The following ZNRF3 variants were observed in gnomAD, a reference collection of about 807,000 sequenced individuals.
ZNRF3 encodes the protein zinc and ring finger 3.
A neutral mutation model predicts 72.5 loss-of-function variants in ZNRF3; 23 were observed. That is an observed-to-expected ratio of 0.32 (90% CI 0.23 to 0.45). The LOEUF is 0.45. ZNRF3 is among the 20% of genes least tolerant of loss of function. ZNRF3 has a pLI of 1.00. For synonymous variants in ZNRF3, 610 were observed against 545.3 expected, an observed-to-expected ratio of 1.12 and a Z score of -1.65; for missense variants, 1,169 against 1,272.1, an observed-to-expected ratio of 0.92 and a Z score of 1.23.
At chr22:28,940,246 A>G (rs1440571685) in intron 1 of ZNRF3, among the ~76,000 whole-genome samples, 3 of 152,250 alleles carry the variant, frequency 2.0e-5, no homozygotes, top group Non-Finnish European at 4.4e-5. Context: ...AGACAAGGCT[A>G]AATGAATTAA....
intron 1 of ZNRF3, among the ~76,000 whole-genome samples, chr22:28,949,903 T>C (rs2035127051): frequency 6.6e-6 from 1 of 152,214 alleles, no homozygotes; most frequent in Non-Finnish European, 1.5e-5. Context: ...AGGCAACCAC[T>C]GTGCTTTGGT....
chr22:28,903,043 G>A lies in ZNRF3; in HGVS notation c.300+18977G>A, dbSNP rs966555741. Among the ~76,000 whole-genome samples the A allele has an allele frequency of 2.8e-4, 42 of 152,072 alleles. 1 individual carries two copies. Among genetic ancestry groups the A allele is most frequent in the Admixed American group, 1.3e-4 (2 of 15,278 alleles). The stretch of plus-strand genomic sequence containing the variant: ...GCACCTATGTCCCTTCTCCCCTAGT[G>A]TGGGGGTCTGTGGGCTCCCCAGGGT... On this transcript the variant is annotated intron_variant, in intron 1 of 8. Coordinates refer to ENST00000544604, the MANE Select transcript of ZNRF3 (RefSeq NM_001206998.2).
chr22:29,008,045 G>A (rs1371165083), intron 2 of ZNRF3, among the ~76,000 whole-genome samples: 1 of 152,000 alleles, frequency 6.6e-6, no homozygotes, highest in Non-Finnish European at 1.5e-5. Context: ...CATGAGCCAC[G>A]GCGCCCGGCT....
In ZNRF3 at chr22:28,909,460, A is replaced by G. The variant is rs144589905; in HGVS notation, c.300+25394A>G. Among the ~76,000 whole-genome samples, 1,006 of 152,202 alleles carry G rather than the reference A, an allele frequency of 6.6e-3. 10 individuals carry two copies. The highest frequency in any genetic ancestry group is 0.021 in the African/African-American group (892 of 41,524). On this transcript the variant is annotated intron_variant, in intron 1 of 8. Transcript: ENST00000544604. ...GTATTTTTTTTTTTCTCAGAAAATAATCAAACCAAAACTTTCCCTTGCTGA... is the reference window on the plus strand; with the variant it reads ...GTATTTTTTTTTTTCTCAGAAAATAGTCAAACCAAAACTTTCCCTTGCTGA...
chr22:29,042,831 G>A (rs569440631), intron 3 of ZNRF3, among the ~76,000 whole-genome samples: 2 of 151,162 alleles, frequency 1.3e-5, no homozygotes, highest in Non-Finnish European at 2.9e-5. Context: ...CTGGAGTGCA[G>A]TGGCGCAATT....
chr22:28,959,181 G>A (rs1222362787), intron 1 of ZNRF3, among the ~76,000 whole-genome samples: 1 of 152,362 alleles, frequency 6.6e-6, no homozygotes, highest in South Asian at 2.1e-4. Context: ...AGGCAGCTCA[G>A]CTTGCATGAG....
intron 2 of ZNRF3, among the ~76,000 whole-genome samples, chr22:29,024,287 T>TTTTTTTTG (rs2036587055): frequency 6.6e-6 from 1 of 151,432 alleles, no homozygotes. Flanking sequence ...ATTAACTGTT[T>TTTTTTTTG]TTTTTTTTTT....
intron 2 of ZNRF3, among the ~76,000 whole-genome samples, chr22:29,015,211 G>A (rs1161303774): frequency 6.6e-6 from 1 of 152,148 alleles, no homozygotes; most frequent in Non-Finnish European, 1.5e-5. Context: ...TCCTCTGAAA[G>A]TTGCATAATA....
At chr22:29,043,630 A>G (rs549274430) in intron 4 of ZNRF3, among the ~76,000 whole-genome samples, 200 bp downstream of exon 4, 9 of 152,212 alleles carry the variant, frequency 5.9e-5, no homozygotes, top group African/African-American at 2.2e-4. Flanking sequence ...GAGAAATCCT[A>G]CCAGAAATAG....
chr22:28,905,543 A>T (rs904534044), intron 1 of ZNRF3, among the ~76,000 whole-genome samples: 1 of 152,244 alleles, frequency 6.6e-6, no homozygotes, highest in Non-Finnish European at 1.5e-5. Flanking sequence ...GAAACTTTGT[A>T]CCAATCAAAA....
intron 5 of ZNRF3, among the ~76,000 whole-genome samples, chr22:29,045,582 G>A (rs1281843670): frequency 3.9e-5 from 6 of 152,058 alleles, no homozygotes; most frequent in South Asian, 4.1e-4. Context: ...TCCACCTCCC[G>A]GGGTCAACTG....
At chr22:28,895,737 CT>C (rs1294875197) in intron 1 of ZNRF3, among the ~76,000 whole-genome samples, 2 of 151,752 alleles carry the variant, frequency 1.3e-5, no homozygotes, top group Admixed American at 6.6e-5. Flanking sequence ...GGCATCTAGC[CT>C]TTGGTCTTAA....
chr22:29,026,418 C>A (rs956579326), intron 2 of ZNRF3: 1 of 152,150 alleles, frequency 6.6e-6, no homozygotes, highest in Middle Eastern at 3.2e-3. Flanking sequence ...TTGGTTAGCT[C>A]AGTTCAGAGT....
chr22:29,038,338 C>CTT lies in ZNRF3; in HGVS notation c.427-4142_427-4141dup, dbSNP rs541653084. On this transcript the variant is annotated intron_variant, in intron 2 of 8. Coordinates refer to ENST00000544604, the MANE Select transcript of ZNRF3 (RefSeq NM_001206998.2). ...AGAATGACCAAGTAATGTTCTGTTG[C>CTT]TTTTTTTTTTTTTTTTAAGACAGGG... 7.6e-3 allele frequency among the ~76,000 whole-genome samples: 1,055 copies of CTT among 138,070 alleles called. 19 individuals are homozygous for CTT. The highest frequency in any genetic ancestry group is 0.027 in the African/African-American group (1,013 of 37,806). The allele number at this position is 138,070 out of a possible 152,430, so 90.6% of individuals were successfully genotyped here.
intron 1 of ZNRF3, among the ~76,000 whole-genome samples, chr22:28,937,196 TATATATATATA>T (rs1569252566): frequency 2.9e-3 from 9 of 3,136 alleles, no homozygotes; most frequent in African/African-American, 4.6e-3. Flanking sequence ...TATATATATA[TATATATATATA>T]TATATATATT....
At chr22:28,942,668 G>C (rs28360615) in intron 1 of ZNRF3, among the ~76,000 whole-genome samples, 21,101 of 152,192 alleles carry the variant, frequency 0.14, 2,066 homozygotes, top group East Asian at 0.42. Context: ...TCTGAGGTTA[G>C]AGATCTCAGA....
At chr22:29,033,179 G>A (rs998758153) in intron 2 of ZNRF3, among the ~76,000 whole-genome samples, 3 of 152,068 alleles carry the variant, frequency 2.0e-5, no homozygotes, top group African/African-American at 2.4e-5. Flanking sequence ...GCGAAACCCT[G>A]TCTCTACTAA....
At chr22:28,901,322 C>T (rs893472031) in intron 1 of ZNRF3, among the ~76,000 whole-genome samples, 4 of 152,238 alleles carry the variant, frequency 2.6e-5, no homozygotes, top group East Asian at 1.9e-4. Context: ...ATAAGGCCAA[C>T]GCCCAGAAGG....
chr22:29,034,035 C>T (rs1458367248), intron 2 of ZNRF3, among the ~76,000 whole-genome samples: 4 of 152,202 alleles, frequency 2.6e-5, no homozygotes, highest in Non-Finnish European at 5.9e-5. Context: ...ATGGTTTCTG[C>T]CCCCTTCGGT....
Sources: gnomAD v4.1 joint callset for allele counts (sites outside exome capture counted in the v4.1 genomes callset) on GRCh38, gnomAD v4.1.1 for gene constraint, MANE v1.5 for transcripts, NCBI Gene and HGNC (gene_info 2026-07-23, HGNC 2026-07-21) for gene names.